Variants in PIF1 observed in about 807,000 individuals in gnomAD.
PIF1 encodes PIF1 5'-to-3' DNA helicase.
In PIF1, 67 loss-of-function variants were observed where a neutral mutation model predicts 62.3. The ratio of observed to expected loss-of-function variants is 1.08; its 90% CI spans 0.88 to 1.32. The LOEUF (loss-of-function observed/expected upper bound fraction) is 1.32, where lower values mean the gene tolerates loss of function less well. Among genes scored for constraint, PIF1 ranks in the 40% most tolerant of loss-of-function variants. The pLI is 0.00. For missense variants in PIF1, 886 were observed against 866.1 expected, an observed-to-expected ratio of 1.02 and a Z score of -0.29; for synonymous variants, 364 against 379.5, an observed-to-expected ratio of 0.96 and a Z score of 0.47.
rs543415040 is a variant in PIF1 at position 64,825,624 on chromosome 15, G to A, written c.-75C>T. Reference sequence around the variant, plus strand: ...CGACACTCAGATGAACAAGCAGATCGTAGCCGGCCTGTGGCTAAGCTCCGA... The same window carrying A: ...CGACACTCAGATGAACAAGCAGATCATAGCCGGCCTGTGGCTAAGCTCCGA... On this transcript the variant is annotated 5_prime_UTR_variant, in exon 1 of 13. The change creates a new upstream start codon in the 5' untranslated region. Coordinates refer to ENST00000559239, the MANE Select transcript of PIF1 (RefSeq NM_001286496.2). 9.2e-5 allele frequency: 14 copies of A among 152,302 alleles called. No individual in the cohort carries two copies. The highest frequency in any genetic ancestry group is 3.1e-4 in the African/African-American group (13 of 41,566). 9.4% of individuals were successfully genotyped at this position (152,302 alleles called of 1,614,324 possible).
At position 64,821,533 on chromosome 15, in the gene PIF1, C is replaced by G; in HGVS notation, c.818-13G>C. 2.6e-6 allele frequency: 4 copies of G among 1,561,444 alleles called. No homozygotes were observed. Among genetic ancestry groups the G allele is most frequent in the Non-Finnish European group, 2.6e-6 (3 of 1,153,230 alleles). ...CCTGAGCCGATGCCTGTGAGTGACACTATTCAGCCTGGGCTAATACCCAAA... is the reference window on the plus strand; with the variant it reads ...CCTGAGCCGATGCCTGTGAGTGACAGTATTCAGCCTGGGCTAATACCCAAA... On this transcript the variant is annotated splice_polypyrimidine_tract_variant and intron_variant, in intron 4 of 12. Coordinates refer to ENST00000559239, the MANE Select transcript of PIF1 (RefSeq NM_001286496.2).
chr15:64,816,143 C>T lies in PIF1; in HGVS notation c.*155G>A, dbSNP rs2084177279. The T allele has an allele frequency of 1.3e-6, 2 of 1,484,628 alleles. No homozygotes were observed. Among genetic ancestry groups the T allele is most frequent in the Non-Finnish European group, 1.8e-6 (2 of 1,123,170 alleles). 92.0% of individuals were successfully genotyped at this position (1,484,628 alleles called of 1,614,324 possible). ...CTGGTATATGGGTTTAAAGTACTCTCCCTTTAACCCTGCCAGGAGGCTGAG... is the reference window on the plus strand; with the variant it reads ...CTGGTATATGGGTTTAAAGTACTCTTCCTTTAACCCTGCCAGGAGGCTGAG... On this transcript the variant is annotated 3_prime_UTR_variant, in exon 13 of 13. Coordinates refer to ENST00000559239, the MANE Select transcript of PIF1 (RefSeq NM_001286496.2).
Position 64,818,259 on chromosome 15 carries a change from C to T in PIF1, c.1526G>A (p.Arg509Lys). 6.2e-7 allele frequency: 1 copy of T among 1,614,166 alleles called. No individual in the cohort carries two copies. Among genetic ancestry groups the T allele is most frequent in the Non-Finnish European group, 8.5e-7 (1 of 1,180,032 alleles). Residue 509 changes from arginine (R) to lysine (K), a missense_variant and splice_region_variant, in exon 10 of 13, where the codon AGA (arginine) becomes AAA (lysine). Transcript: ENST00000559239. ...GVVVGFEAEGRGLPQVRFLCG... is the reference protein window; with the variant it reads ...GVVVGFEAEGKGLPQVRFLCG... The stretch of plus-strand genomic sequence containing the variant: ...TGCCACCTCCTCCCAACACTTACCT[C>T]TCCCTTCTGCCTCGAACCCAACTAC...
chr15:64,826,770 T>C (rs1195478545), upstream of PIF1, among the ~76,000 whole-genome samples: 1 of 146,716 alleles, frequency 6.8e-6, no homozygotes, highest in African/African-American at 2.5e-5. Context: ...AATTTTTTTT[T>C]CGTATAGACG....
rs750411108 is a variant in PIF1, at chr15:64,817,999, G to C, written c.1621C>G (p.Arg541Gly). 3 of 1,613,358 alleles carry C rather than the reference G, an allele frequency of 1.9e-6. No homozygotes were observed. Among genetic ancestry groups the C allele is most frequent in the Non-Finnish European group, 2.5e-6 (3 of 1,179,774 alleles). The change falls in exon 11 of 13, where the codon CGG becomes GGG. Residue 541 changes from arginine (R) to glycine (G), a missense_variant. Physicochemically the swap from Arg to Gly is moderately radical, Grantham distance 125 (BLOSUM62 -2). Transcript: ENST00000559239. Reference protein sequence around the residue: ...VQATGGQLLSRQQLPLQLAWA... With the variant: ...VQATGGQLLSGQQLPLQLAWA... ...GCCAGCTGGAGGGGCAGCTGCTGCC[G>C]ACTGAGGAGCTGGCCCCCGGTGGCC...
chr15:64,818,028 A>G lies in PIF1; in HGVS notation c.1592T>C (p.Val531Ala), dbSNP rs2084217432. ...TEVIHADRWT[V>A]QATGGQLLSR... ...GAGGAGCTGGCCCCCGGTGGCCTGC[A>G]CCGTCCAGCGGTCAGCGTGGATGAC... The change falls in exon 11 of 13, where the codon GTG (valine) becomes GCG (alanine). Residue 531 changes from valine to alanine, a missense_variant. Physicochemically the swap from Val to Ala is moderately conservative, Grantham distance 64. Transcript: ENST00000559239. 1.2e-6 allele frequency: 2 copies of G among 1,613,750 alleles called. No individual in the cohort carries two copies. The highest frequency in any genetic ancestry group is 2.7e-5 in the African/African-American group (2 of 75,024).
chr15:64,825,448 T>C (rs11631663), intron 1 of PIF1, 121 bp downstream of exon 1: 84,529 of 151,748 alleles, frequency 0.56, 24,502 homozygotes, highest in East Asian at 0.94. Flanking sequence ...GTGGAAAATA[T>C]TCGGCTAGGG....
chr15:64,815,718 C>T lies in PIF1; in HGVS notation c.*580G>A, dbSNP rs1317889812. On this transcript the variant is annotated 3_prime_UTR_variant, in exon 13 of 13. Transcript: ENST00000559239. ...AATGTCCCCAAACACTATTTATCCCCTGAAAAAGCAGCTTAAAATATGGGT... is the reference window on the plus strand; with the variant it reads ...AATGTCCCCAAACACTATTTATCCCTTGAAAAAGCAGCTTAAAATATGGGT... The T allele has an allele frequency of 2.6e-6, 4 of 1,550,556 alleles. No individual in the cohort carries two copies. The highest frequency in any genetic ancestry group is 3.5e-6 in the Non-Finnish European group (4 of 1,146,978).
At chr15:64,818,800 T>G (rs923004874) in intron 9 of PIF1, 1 of 322,930 alleles carries the variant, frequency 3.1e-6, no homozygotes, top group African/African-American at 2.2e-5. Context: ...CTCCTGTTTA[T>G]AAAGTATACT....
At chr15:64,821,624 T>G (rs1391143143) in intron 4 of PIF1, 104 bp from the exon 5 acceptor site, 2 of 1,362,742 alleles carry the variant, frequency 1.5e-6, no homozygotes, top group Admixed American at 5.7e-5. Flanking sequence ...CAGGCTGAAG[T>G]GCAGTGGCAC....
At chr15:64,826,679 CATATATACACACACAT>C (rs1337334150), upstream of PIF1, among the ~76,000 whole-genome samples, 15 of 89,140 alleles carry the variant, frequency 1.7e-4, no homozygotes, top group African/African-American at 5.3e-4. Flanking sequence ...CACACACACA[CATATATACACACACAT>C]ATATATACAC....
At chr15:64,816,876 C>A in intron 11 of PIF1, 111 bp from the exon 12 acceptor site, 1 of 1,012,594 alleles carries the variant, frequency 9.9e-7, no homozygotes, top group Non-Finnish European at 1.4e-6. Context: ...TCGTCCAGTC[C>A]AGAGAGTCTC....
At chr15:64,820,488 C>T (rs1042032270) in intron 7 of PIF1, among the ~76,000 whole-genome samples, 4 of 152,224 alleles carry the variant, frequency 2.6e-5, no homozygotes, top group Admixed American at 1.3e-4. Context: ...CCTCTGCCTC[C>T]CTGGTTTAAG....
At position 64,815,742 on chromosome 15, in the gene PIF1, G is replaced by A. The variant is rs2084169833; in HGVS notation, c.*556C>T. On this transcript the variant is annotated 3_prime_UTR_variant, in exon 13 of 13. Coordinates refer to ENST00000559239, the MANE Select transcript of PIF1 (RefSeq NM_001286496.2). ...CCTGAAAAAGCAGCTTAAAATATGG[G>A]TGCACATTTTGCAGCTTATGTTCTT... 3 of 1,550,574 alleles carry A rather than the reference G, an allele frequency of 1.9e-6. No individual in the cohort carries two copies. The highest frequency in any genetic ancestry group is 2.6e-6 in the Non-Finnish European group (3 of 1,146,996).
intron 8 of PIF1, among the ~76,000 whole-genome samples, chr15:64,819,523 G>A: frequency 6.6e-6 from 1 of 152,018 alleles, no homozygotes. Context: ...TGGGCAGGCT[G>A]GTCTCGAACT....
chr15:64,815,661 C>G lies in PIF1; in HGVS notation c.*637G>C. ...TACACAATTCTCTAGTTTATTTGTC[C>G]GAAATAAATACAACCTGAGAACATC... On this transcript the variant is annotated 3_prime_UTR_variant, in exon 13 of 13. Coordinates refer to ENST00000559239, the MANE Select transcript of PIF1 (RefSeq NM_001286496.2). The G allele has an allele frequency of 6.5e-7, 1 of 1,527,824 alleles. No homozygotes were observed. The highest frequency in any genetic ancestry group is 8.8e-7 in the Non-Finnish European group (1 of 1,134,666). The allele number at this position is 1,527,824 out of a possible 1,614,324, so 94.6% of individuals were successfully genotyped here.
chr15:64,819,282 CA>C (rs2084247162), intron 8 of PIF1, 59 bp from the exon 9 acceptor site: 7 of 1,132,834 alleles, frequency 6.2e-6, no homozygotes, highest in Admixed American at 2.5e-5. Flanking sequence ...CTCAGCATCC[CA>C]AAAAAGACTT....
rs1019280914 is a variant in PIF1, at chr15:64,824,259, A to G, written c.77T>C (p.Leu26Pro). ...ELRCRVAVEE[L>P]SPGGQPRRRQ... The stretch of plus-strand genomic sequence containing the variant: ...CCTTCGCGGCTGCCCGCCCGGGCTC[A>G]GCTCCTCCACAGCCACGCGGCACCG... Residue 26 changes from leucine (L) to proline (P), a missense_variant, in exon 2 of 13, where the codon CTG (leucine) becomes CCG (proline). By Grantham distance (98) the Leu-to-Pro change is moderately conservative. Coordinates refer to ENST00000559239, the MANE Select transcript of PIF1 (RefSeq NM_001286496.2). The G allele has an allele frequency of 8.4e-6, 11 of 1,302,552 alleles. No individual in the cohort carries two copies. The highest frequency in any genetic ancestry group is 3.1e-5 in the African/African-American group (2 of 65,312). 80.7% of individuals were successfully genotyped at this position (1,302,552 alleles called of 1,614,324 possible). A position where few individuals can be genotyped will look rare whatever the true frequency, so the allele number is the denominator to read the frequency against.
intron 9 of PIF1, 84 bp from the exon 10 acceptor site, chr15:64,818,428 G>A: frequency 3.8e-6 from 5 of 1,319,016 alleles, no homozygotes; most frequent in Middle Eastern, 3.6e-4. Flanking sequence ...CAGAGGCTGA[G>A]GGCAGGGAGC....
Sources: allele counts gnomAD v4.1 joint callset (sites outside exome capture counted in the v4.1 genomes callset), GRCh38; gene constraint gnomAD v4.1.1; transcripts MANE v1.5; gene names NCBI Gene and HGNC (gene_info 2026-07-23, HGNC 2026-07-21).